MARCHF11: variants seen among roughly 807,000 people sequenced by gnomAD.
MARCHF11 encodes membrane associated ring-CH-type finger 11.
MARCHF11 carries 29 observed loss-of-function variants against 37.3 expected under a neutral mutation model. The ratio of observed to expected loss-of-function variants is 0.78; its 90% confidence interval spans 0.58 to 1.06. The LOEUF is 1.06. MARCHF11 is among the 50% of genes least tolerant of loss of function. The probability of loss-of-function intolerance (pLI) is 0.00; values close to 1 mark genes in which losing one functional copy is unlikely to be tolerated. For missense variants in MARCHF11, 482 were observed against 533.4 expected, an observed-to-expected ratio of 0.90 and a Z score of 0.95; for synonymous variants, 233 against 228.0, an observed-to-expected ratio of 1.02 and a Z score of -0.20.
chr5:16,067,417 A>C lies in MARCHF11; in HGVS notation c.*54T>G. 1 of 1,529,092 alleles carries C rather than the reference A, an allele frequency of 6.5e-7. No individual in the cohort carries two copies. Among genetic ancestry groups the C allele is most frequent in the Non-Finnish European group, 8.9e-7 (1 of 1,118,794 alleles). 94.7% of individuals were successfully genotyped at this position (1,529,092 alleles called of 1,614,324 possible). On this transcript the variant is annotated 3_prime_UTR_variant, in exon 4 of 4. Coordinates refer to ENST00000332432, the MANE Select transcript of MARCHF11 (RefSeq NM_001102562.3). ...GTGCTATGGTTTTGCCATTCACTGCAATTACATTGCAAAATGTGCAGGGTG... is the reference window on the plus strand; with the variant it reads ...GTGCTATGGTTTTGCCATTCACTGCCATTACATTGCAAAATGTGCAGGGTG...
In MARCHF11 at chr5:16,080,166, T is replaced by G. The variant is rs115171991; in HGVS notation, c.886+10723A>C. Among the ~76,000 whole-genome samples, 762 of 152,294 alleles carry G rather than the reference T, an allele frequency of 5.0e-3. 5 individuals are homozygous for G. The highest frequency in any genetic ancestry group is 0.017 in the African/African-American group (727 of 41,562). On this transcript the variant is annotated intron_variant, in intron 3 of 3. Transcript: ENST00000332432. ...TCTGCCCATCCCAGCCATTCTCAATTCACTGCGGTCTCGCATCCATCCACG... is the reference window on the plus strand; with the variant it reads ...TCTGCCCATCCCAGCCATTCTCAATGCACTGCGGTCTCGCATCCATCCACG...
At chr5:16,119,559 T>C (rs746010886) in intron 2 of MARCHF11, among the ~76,000 whole-genome samples, 41 of 152,154 alleles carry the variant, frequency 2.7e-4, no homozygotes, top group Non-Finnish European at 4.6e-4. Context: ...AGCCCTGACA[T>C]GCTCCACAAG....
intron 2 of MARCHF11, among the ~76,000 whole-genome samples, chr5:16,153,073 G>T (rs1453799435): frequency 1.3e-5 from 2 of 151,930 alleles, no homozygotes; most frequent in Non-Finnish European, 2.9e-5. Context: ...TTCACAATGT[G>T]GCAGAGAGAT....
intron 2 of MARCHF11, among the ~76,000 whole-genome samples, chr5:16,168,054 T>C (rs925282425): frequency 6.6e-6 from 1 of 152,104 alleles, no homozygotes; most frequent in African/African-American, 2.4e-5. Flanking sequence ...ATATGAATAA[T>C]CATGCATCCA....
intron 2 of MARCHF11, among the ~76,000 whole-genome samples, chr5:16,120,735 T>C (rs899025466): frequency 1.3e-5 from 2 of 152,048 alleles, no homozygotes; most frequent in African/African-American, 4.8e-5. Flanking sequence ...CTTTGACCAG[T>C]ATAATGTGGC....
At chr5:16,075,601 G>C (rs1425304650) in intron 3 of MARCHF11, among the ~76,000 whole-genome samples, 1 of 152,216 alleles carries the variant, frequency 6.6e-6, no homozygotes, top group Non-Finnish European at 1.5e-5. Flanking sequence ...GAGAGAGAGA[G>C]AGAGAGGAGA....
rs770290620 is a variant in MARCHF11 at position 16,090,877 on chromosome 5, T to A, written c.886+12A>T. On this transcript the variant is annotated intron_variant, in intron 3 of 3. Coordinates refer to ENST00000332432, the MANE Select transcript of MARCHF11 (RefSeq NM_001102562.3). The stretch of plus-strand genomic sequence containing the variant: ...ACTGACAGTGTGTTAACGTTGAAGG[T>A]CATGGTCTTACCTATGCACACTAGA... The A allele has an allele frequency of 1.3e-6, 2 of 1,513,904 alleles. No individual in the cohort carries two copies. The highest frequency in any genetic ancestry group is 2.0e-5 in the Admixed American group (1 of 49,992). The allele number at this position is 1,513,904 out of a possible 1,614,324, so 93.8% of individuals were successfully genotyped here. A position where few individuals can be genotyped will look rare whatever the true frequency, so the allele number is the denominator to read the frequency against.
chr5:16,071,809 A>G (rs1736441845), intron 3 of MARCHF11, among the ~76,000 whole-genome samples: 1 of 152,180 alleles, frequency 6.6e-6, no homozygotes, highest in Admixed American at 6.5e-5. Context: ...TTTTTGGATA[A>G]GTTTGGTTGT....
intron 2 of MARCHF11, among the ~76,000 whole-genome samples, chr5:16,091,738 A>G (rs1736793698): frequency 6.6e-6 from 1 of 152,240 alleles, no homozygotes; most frequent in Non-Finnish European, 1.5e-5. Flanking sequence ...AGTATCTTTG[A>G]AACTCACAAC....
intron 2 of MARCHF11, among the ~76,000 whole-genome samples, chr5:16,125,513 T>A (rs530991850): frequency 2.4e-4 from 36 of 152,112 alleles, no homozygotes; most frequent in Non-Finnish European, 5.0e-4. Context: ...GAATCCAGTC[T>A]CAAGCCTAGT....
chr5:16,154,305 A>C (rs1336572733), intron 2 of MARCHF11, among the ~76,000 whole-genome samples: 3 of 151,958 alleles, frequency 2.0e-5, no homozygotes, highest in Non-Finnish European at 4.4e-5. Flanking sequence ...AACTCAAAAA[A>C]CTGCATCCAA....
intron 2 of MARCHF11, among the ~76,000 whole-genome samples, chr5:16,156,431 T>C (rs6874971): frequency 0.26 from 39,311 of 151,796 alleles, 5,117 homozygotes; most frequent in South Asian, 0.33. Context: ...CTGCCTTTAA[T>C]AGTGCCAATA....
At chr5:16,105,206 T>G (rs1189624747) in intron 2 of MARCHF11, among the ~76,000 whole-genome samples, 2 of 152,240 alleles carry the variant, frequency 1.3e-5, no homozygotes, top group African/African-American at 4.8e-5. Context: ...TCACATTGCT[T>G]GAAGTGCAAA....
chr5:16,170,920 C>T (rs1738252701), intron 2 of MARCHF11, among the ~76,000 whole-genome samples: 1 of 152,090 alleles, frequency 6.6e-6, no homozygotes, highest in African/African-American at 2.4e-5. Context: ...CCAGGACTCA[C>T]AGAGAGGACA....
intron 2 of MARCHF11, among the ~76,000 whole-genome samples, chr5:16,121,247 C>A (rs1440578814): frequency 6.6e-6 from 1 of 152,154 alleles, no homozygotes; most frequent in Admixed American, 6.5e-5. Flanking sequence ...TCCAGCCAAG[C>A]ATTCCTTTGT....
Position 16,091,099 on chromosome 5 carries a change from G to C in MARCHF11, c.694-18C>G, listed in dbSNP as rs1353942270. Reference sequence around the variant, plus strand: ...CTCTGCCACTAAAAGAAAAACAGAGGCATGTAAGAAAGGAGCTGTGTATAA... The same window carrying C: ...CTCTGCCACTAAAAGAAAAACAGAGCCATGTAAGAAAGGAGCTGTGTATAA... On this transcript the variant is annotated intron_variant, in intron 2 of 3. Coordinates refer to ENST00000332432, the MANE Select transcript of MARCHF11 (RefSeq NM_001102562.3). 1 of 1,544,280 alleles carries C rather than the reference G, an allele frequency of 6.5e-7. No homozygotes were observed. The highest frequency in any genetic ancestry group is 8.7e-7 in the Non-Finnish European group (1 of 1,145,826).
chr5:16,153,310 G>A (rs745640762), intron 2 of MARCHF11, among the ~76,000 whole-genome samples: 41 of 151,958 alleles, frequency 2.7e-4, no homozygotes, highest in African/African-American at 2.4e-5. Flanking sequence ...CTGGAAGTCC[G>A]GTTTGTGCTG....
intron 2 of MARCHF11, among the ~76,000 whole-genome samples, chr5:16,139,215 TCATGGGGGTGGGTTTTTCC>T (rs1194864759): frequency 6.6e-6 from 1 of 152,154 alleles, no homozygotes; most frequent in Admixed American, 6.5e-5. Flanking sequence ...GGTAATTGAA[TCATGGGGGTGGGTTTTTCC>T]CATGCTGTTC....
intron 2 of MARCHF11, among the ~76,000 whole-genome samples, chr5:16,159,395 G>C (rs1738035609): frequency 6.6e-6 from 1 of 151,890 alleles, no homozygotes; most frequent in Non-Finnish European, 1.5e-5. Context: ...GTATGAGTTA[G>C]ATAATAAGGC....
Sources: allele counts gnomAD v4.1 joint callset (sites outside exome capture counted in the v4.1 genomes callset), GRCh38; gene constraint gnomAD v4.1.1; transcripts MANE v1.5; gene names NCBI Gene and HGNC (gene_info 2026-07-23, HGNC 2026-07-21).